The following ATXN1 variants were observed in gnomAD, a reference collection of about 807,000 sequenced individuals.
ATXN1 encodes ataxin-1.
In ATXN1, 8 loss-of-function variants were observed where a neutral mutation model predicts 56.4. That is an observed-to-expected ratio of 0.14 (90% CI 0.08 to 0.26). The LOEUF is 0.26. Ranked by LOEUF, ATXN1 falls within the 10% of genes least tolerant of loss-of-function variation. The pLI is 1.00. For missense variants in ATXN1, 987 were observed against 1,106.5 expected (o/e 0.89, Z 1.53); for synonymous variants, 514 against 494.6 (o/e 1.04, Z -0.52).
At chr6:16,584,235 TATATATATAC>T (rs1291673451) in intron 4 of ATXN1, among the ~76,000 whole-genome samples, 3 of 128,562 alleles carry the variant, frequency 2.3e-5, no homozygotes, top group African/African-American at 6.1e-5. Flanking sequence ...TATATATATA[TATATATATAC>T]ACACACACAC....
At position 16,622,331 on chromosome 6, in the gene ATXN1, A is replaced by G. The variant is rs371339922; in HGVS notation, c.-489+35445T>C. The stretch of plus-strand genomic sequence containing the variant: ...AGCTTAGCTCAGGGCTCATAAAACC[A>G]TGTGCTCTAGGAGATGGTGATGATG... On this transcript the variant is annotated intron_variant, in intron 3 of 7. Transcript: ENST00000436367. Among the ~76,000 whole-genome samples the G allele has an allele frequency of 3.3e-5, 5 of 152,162 alleles. No individual in the cohort carries two copies. In the East Asian group the frequency reaches 7.7e-4, roughly 23 times the overall value.
At chr6:16,552,772 G>A (rs944465072) in intron 4 of ATXN1, among the ~76,000 whole-genome samples, 2 of 152,222 alleles carry the variant, frequency 1.3e-5, no homozygotes, top group South Asian at 4.1e-4. Flanking sequence ...TCACCTTGAA[G>A]TCTGTTTACC....
chr6:16,643,110 A>G (rs1048568844), intron 3 of ATXN1, among the ~76,000 whole-genome samples: 1 of 152,096 alleles, frequency 6.6e-6, no homozygotes, highest in African/African-American at 2.4e-5. Flanking sequence ...TCTCTACTAA[A>G]AATACAAAAA....
In ATXN1 at chr6:16,694,143, CA is replaced by C. The variant is rs1219126131; in HGVS notation, c.-614-36243del. 2.0e-5 allele frequency among the ~76,000 whole-genome samples: 3 copies of C among 151,490 alleles called. No homozygotes were observed. In the East Asian group the frequency reaches 5.8e-4, roughly 29 times the overall value. On this transcript the variant is annotated intron_variant, in intron 2 of 7. Coordinates refer to ENST00000436367, the MANE Select transcript of ATXN1 (RefSeq NM_001128164.2). The stretch of plus-strand genomic sequence containing the variant: ...CACAAATATATCACTATCCGATTAT[CA>C]GTACTCAAAAATATAAAAACAGAGG...
At chr6:16,632,992 C>T (rs1332457158) in intron 3 of ATXN1, among the ~76,000 whole-genome samples, 2 of 110,778 alleles carry the variant, frequency 1.8e-5, no homozygotes, top group African/African-American at 7.6e-5. Context: ...AGCAAAACTC[C>T]GCCTCAAAAA....
At chr6:16,366,051 A>G (rs986994416) in intron 6 of ATXN1, among the ~76,000 whole-genome samples, 5 of 152,136 alleles carry the variant, frequency 3.3e-5, no homozygotes, top group African/African-American at 9.6e-5. Flanking sequence ...GATTATGTTT[A>G]TTTTTGTGGC....
At chr6:16,337,513 C>G (rs1761151042) in intron 6 of ATXN1, among the ~76,000 whole-genome samples, 1 of 152,206 alleles carries the variant, frequency 6.6e-6, no homozygotes, top group Non-Finnish European at 1.5e-5. Context: ...TGGAAAGGCT[C>G]AAGATGGAAA....
chr6:16,490,702 A>G (rs1009339196), intron 5 of ATXN1, among the ~76,000 whole-genome samples: 1 of 152,154 alleles, frequency 6.6e-6, no homozygotes, highest in African/African-American at 2.4e-5. Context: ...CTTTTCTGGA[A>G]TGATCTCTCC....
chr6:16,754,362 G>A (rs142125219), intron 1 of ATXN1, among the ~76,000 whole-genome samples: 131 of 152,208 alleles, frequency 8.6e-4, no homozygotes, highest in Non-Finnish European at 1.6e-3. Flanking sequence ...CTAAGCTCAC[G>A]CCAGGTAACA....
At chr6:16,583,391 G>C (rs988718679) in intron 4 of ATXN1, among the ~76,000 whole-genome samples, 1 of 152,176 alleles carries the variant, frequency 6.6e-6, no homozygotes, top group Non-Finnish European at 1.5e-5. Context: ...GGAGCCAAAG[G>C]GTCAAGAGAT....
intron 6 of ATXN1, among the ~76,000 whole-genome samples, chr6:16,354,860 A>G (rs1761652309): frequency 6.6e-6 from 1 of 152,230 alleles, no homozygotes; most frequent in Non-Finnish European, 1.5e-5. Context: ...GAAACTCTAC[A>G]GAGTGGAGCA....
At chr6:16,371,642 C>A (rs1762045135) in intron 6 of ATXN1, among the ~76,000 whole-genome samples, 1 of 152,206 alleles carries the variant, frequency 6.6e-6, no homozygotes, top group African/African-American at 2.4e-5. Context: ...CAGTCTCAAA[C>A]TGCTGGCTCA....
chr6:16,631,152 G>C (rs1416296223), intron 3 of ATXN1, among the ~76,000 whole-genome samples: 1 of 152,208 alleles, frequency 6.6e-6, no homozygotes, highest in Non-Finnish European at 1.5e-5. Flanking sequence ...TTAAAGCTGA[G>C]AAAACAGAGG....
chr6:16,673,624 T>C (rs1758592574), intron 2 of ATXN1, among the ~76,000 whole-genome samples: 1 of 152,166 alleles, frequency 6.6e-6, no homozygotes, highest in Non-Finnish European at 1.5e-5. Context: ...GATATGATAT[T>C]GATTGATTGA....
chr6:16,656,566 T>G (rs1026459252), intron 3 of ATXN1, among the ~76,000 whole-genome samples: 15 of 152,188 alleles, frequency 9.9e-5, no homozygotes, highest in African/African-American at 3.6e-4. Flanking sequence ...CATTTATTTA[T>G]AGTTTAGAGT....
Position 16,649,951 on chromosome 6 carries a change from G to GTT in ATXN1, c.-489+7823_-489+7824dup, listed in dbSNP as rs146378566. ...ACAGCAAGAGGATAATTTCTGTTTT[G>GTT]TTTTTTTTTTTCCTTGAGACGAGCT... On this transcript the variant is annotated intron_variant, in intron 3 of 7. Transcript: ENST00000436367. Among the ~76,000 whole-genome samples the GTT allele has an allele frequency of 3.2e-4, 47 of 147,358 alleles. 1 individual carries two copies. The highest frequency in any genetic ancestry group is 5.9e-4 in the East Asian group (3 of 5,044).
At chr6:16,632,305 T>C (rs1763518211) in intron 3 of ATXN1, among the ~76,000 whole-genome samples, 1 of 152,182 alleles carries the variant, frequency 6.6e-6, no homozygotes, top group Non-Finnish European at 1.5e-5. Context: ...CGTTTGCTCG[T>C]GGGTCGACAA....
intron 3 of ATXN1, among the ~76,000 whole-genome samples, chr6:16,645,461 T>G (rs1345665563): frequency 6.6e-6 from 1 of 152,182 alleles, no homozygotes; most frequent in Non-Finnish European, 1.5e-5. Context: ...GTGTACTTGC[T>G]TAGCAACGTG....
At chr6:16,620,853 C>T (rs2113800728) in intron 3 of ATXN1, among the ~76,000 whole-genome samples, 1 of 152,234 alleles carries the variant, frequency 6.6e-6, no homozygotes, top group Middle Eastern at 3.4e-3. Flanking sequence ...ACATGTGGTC[C>T]CACAGGACTA....
Sources: allele counts gnomAD v4.1 joint callset (sites outside exome capture counted in the v4.1 genomes callset), GRCh38; gene constraint gnomAD v4.1.1; transcripts MANE v1.5; gene names NCBI Gene and HGNC (gene_info 2026-07-23, HGNC 2026-07-21).